The following TCEA3 variants were observed in gnomAD, a reference collection of about 807,000 sequenced individuals.
TCEA3 encodes transcription elongation factor A3.
Under a neutral mutation model 44.0 loss-of-function variants are expected in TCEA3, and 36 were observed. The ratio of observed to expected loss-of-function variants is 0.82; its 90% CI spans 0.63 to 1.08. The LOEUF (loss-of-function observed/expected upper bound fraction) is 1.08, where lower values mean the gene tolerates loss of function less well. TCEA3 is among the 50% of genes least tolerant of loss of function. The pLI is 0.00. For missense variants in TCEA3, 392 were observed against 441.2 expected, an observed-to-expected ratio of 0.89 and a Z score of 1.00; for synonymous variants, 162 against 159.7, an observed-to-expected ratio of 1.01 and a Z score of -0.11.
chr1:23,409,521 G>A (rs544169502), intron 4 of TCEA3, among the ~76,000 whole-genome samples: 3 of 151,870 alleles, frequency 2.0e-5, no homozygotes, highest in East Asian at 1.9e-4. Flanking sequence ...TCCATAGCAC[G>A]TGTCACCTTC....
intron 9 of TCEA3, among the ~76,000 whole-genome samples, chr1:23,386,165 C>T (rs1178092526): frequency 6.6e-6 from 1 of 152,194 alleles, no homozygotes; most frequent in African/African-American, 2.4e-5. Context: ...CATTAGTGTA[C>T]CAAGGCTTGC....
chr1:23,408,256 C>T (rs560895034), intron 5 of TCEA3, among the ~76,000 whole-genome samples: 10 of 152,318 alleles, frequency 6.6e-5, no homozygotes, highest in Admixed American at 2.0e-4. Context: ...GCCACTGTGC[C>T]CAGCCTAGGT....
At chr1:23,394,926 C>A (rs1639171456) in intron 7 of TCEA3, among the ~76,000 whole-genome samples, 1 of 152,220 alleles carries the variant, frequency 6.6e-6, no homozygotes. Flanking sequence ...TCCGAGCCTC[C>A]CACTCCCTCC....
intron 7 of TCEA3, 113 bp downstream of exon 7, chr1:23,397,432 G>A (rs1639248486): frequency 1.1e-6 from 1 of 900,792 alleles, no homozygotes; most frequent in African/African-American, 1.7e-5. Context: ...GCAGAGCAGG[G>A]GCTGTTCCCG....
chr1:23,394,685 AC>A (rs1223745676), intron 7 of TCEA3, among the ~76,000 whole-genome samples: 1 of 152,216 alleles, frequency 6.6e-6, no homozygotes, highest in Non-Finnish European at 1.5e-5. Flanking sequence ...ATCCCATGGA[AC>A]CCACGCTGGG....
At chr1:23,387,178 T>C in intron 9 of TCEA3, 95 bp downstream of exon 9, 1 of 1,477,416 alleles carries the variant, frequency 6.8e-7, no homozygotes, top group Non-Finnish European at 9.1e-7. Flanking sequence ...TAACGCTTTC[T>C]CCCCTCTGGC....
intron 2 of TCEA3, among the ~76,000 whole-genome samples, chr1:23,418,618 A>C (rs1410852890): frequency 6.6e-6 from 1 of 151,970 alleles, no homozygotes; most frequent in Non-Finnish European, 1.5e-5. Flanking sequence ...AGCTCACTCT[A>C]GTGTCTTTGA....
intron 10 of TCEA3, chr1:23,383,345 A>G (rs1052119398): frequency 2.3e-6 from 2 of 881,300 alleles, no homozygotes; most frequent in Non-Finnish European, 2.7e-6. Flanking sequence ...TCAGTGCTCC[A>G]AACTGTGGCT....
At chr1:23,391,148 C>CTTTTTTT (rs59905045) in intron 8 of TCEA3, among the ~76,000 whole-genome samples, 18 of 126,388 alleles carry the variant, frequency 1.4e-4, no homozygotes, top group African/African-American at 2.1e-4. Flanking sequence ...TTCTTTCTTT[C>CTTTTTTT]TTTTTTTTTT....
intron 10 of TCEA3, chr1:23,383,379 A>G: frequency 1.1e-6 from 1 of 927,190 alleles, no homozygotes; most frequent in Non-Finnish European, 1.3e-6. Context: ...CTATTTCTGT[A>G]TTTCAATTTC....
chr1:23,384,066 C>T, intron 10 of TCEA3: 1 of 1,272,072 alleles, frequency 7.9e-7, no homozygotes, highest in Non-Finnish European at 9.9e-7. Flanking sequence ...AAGCCGATTC[C>T]ATCTGTGCTC....
chr1:23,388,305 C>G (rs1358750347), intron 8 of TCEA3, among the ~76,000 whole-genome samples: 1 of 150,322 alleles, frequency 6.7e-6, no homozygotes, highest in Admixed American at 6.7e-5. Flanking sequence ...TCAAGCGATT[C>G]TCCTGCCTCA....
intron 1 of TCEA3, chr1:23,419,346 C>A: frequency 2.6e-6 from 1 of 387,464 alleles, no homozygotes; most frequent in Non-Finnish European, 4.6e-6. Context: ...TGGGTTCAAA[C>A]CCTCTGAGCC....
intron 7 of TCEA3, among the ~76,000 whole-genome samples, chr1:23,396,005 T>C (rs992520387): frequency 2.0e-5 from 3 of 152,148 alleles, no homozygotes; most frequent in Admixed American, 6.5e-5. Context: ...ATACCTTGTG[T>C]TCTGCCTTCT....
At chr1:23,397,456 C>T (rs907510073) in intron 7 of TCEA3, 89 bp downstream of exon 7, 6 of 1,260,556 alleles carry the variant, frequency 4.8e-6, no homozygotes, top group Non-Finnish European at 6.8e-6. Flanking sequence ...CCCTTCCTCT[C>T]CTTCCTCACT....
At chr1:23,386,408 T>G (rs1638836443) in intron 9 of TCEA3, among the ~76,000 whole-genome samples, 2 of 152,088 alleles carry the variant, frequency 1.3e-5, no homozygotes. Flanking sequence ...TGGCTAATTT[T>G]TGTATTTTTA....
intron 1 of TCEA3, among the ~76,000 whole-genome samples, chr1:23,423,357 A>G (rs2148589489): frequency 6.6e-6 from 1 of 152,314 alleles, no homozygotes; most frequent in Non-Finnish European, 1.5e-5. Flanking sequence ...GAATCCAGTG[A>G]CATCCCTTCT....
chr1:23,414,278 G>A (rs1570283704), intron 4 of TCEA3, among the ~76,000 whole-genome samples: 1 of 152,108 alleles, frequency 6.6e-6, no homozygotes, highest in Admixed American at 6.5e-5. Context: ...ATTTGGTAGA[G>A]ATGGGGTTTC....
intron 8 of TCEA3, among the ~76,000 whole-genome samples, chr1:23,391,831 T>G (rs72882941): frequency 0.9 from 136,866 of 152,082 alleles, 61,670 homozygotes; most frequent in Non-Finnish European, 0.92. Context: ...GCTGAGGCAG[T>G]AGAATCGCTT....
Sources: gnomAD v4.1 joint callset for allele counts (sites outside exome capture counted in the v4.1 genomes callset) on GRCh38, gnomAD v4.1.1 for gene constraint, MANE v1.5 for transcripts, NCBI Gene and HGNC (gene_info 2026-07-23, HGNC 2026-07-21) for gene names.